The following RSU1 variants were observed in gnomAD, a reference collection of about 807,000 sequenced individuals.
RSU1 encodes the protein Ras suppressor protein 1.
In RSU1, 26 loss-of-function variants were observed where a neutral mutation model predicts 31.1. The ratio of observed to expected loss-of-function variants is 0.84; its 90% confidence interval spans 0.61 to 1.16. RSU1 has a LOEUF of 1.16. Among genes scored for constraint, RSU1 ranks in the 50% most tolerant of loss-of-function variants. The pLI is 0.00. For synonymous variants in RSU1, 164 were observed against 136.3 expected (o/e 1.20, Z -1.41); for missense variants, 320 against 339.1 (o/e 0.94, Z 0.44).
At chr10:16,781,680 T>A (rs1047638374) in intron 3 of RSU1, among the ~76,000 whole-genome samples, 7 of 152,180 alleles carry the variant, frequency 4.6e-5, no homozygotes, top group Admixed American at 4.6e-4. Flanking sequence ...CTTTGGTTTA[T>A]AAACATGATA....
chr10:16,719,334 C>G (rs764866114), intron 7 of RSU1, among the ~76,000 whole-genome samples: 14 of 152,032 alleles, frequency 9.2e-5, no homozygotes, highest in Non-Finnish European at 1.5e-4. Context: ...CAGAAAAACC[C>G]CAATGTCATT....
chr10:16,799,046 T>C (rs1838096243), intron 2 of RSU1, among the ~76,000 whole-genome samples: 1 of 152,164 alleles, frequency 6.6e-6, no homozygotes, highest in East Asian at 1.9e-4. Flanking sequence ...TACATTGTCC[T>C]AAGGACTCCT....
At chr10:16,640,799 C>A (rs1028241615) in intron 8 of RSU1, among the ~76,000 whole-genome samples, 1 of 152,226 alleles carries the variant, frequency 6.6e-6, no homozygotes, top group African/African-American at 2.4e-5. Context: ...CATAGCACAG[C>A]CTGATTCACC....
At chr10:16,677,446 GGGTA>G (rs931612482) in intron 8 of RSU1, among the ~76,000 whole-genome samples, 6 of 152,236 alleles carry the variant, frequency 3.9e-5, no homozygotes, top group Non-Finnish European at 8.8e-5. Flanking sequence ...ATAAAAATGG[GGGTA>G]GGAAGTTGGG....
intron 7 of RSU1, among the ~76,000 whole-genome samples, chr10:16,738,873 C>CG (rs1328528871): frequency 6.6e-6 from 1 of 151,732 alleles, no homozygotes; most frequent in Non-Finnish European, 1.5e-5. Flanking sequence ...CCCCACCCCC[C>CG]CAGCGGACCC....
intron 7 of RSU1, among the ~76,000 whole-genome samples, chr10:16,733,597 T>C (rs996752251): frequency 7.9e-5 from 12 of 152,258 alleles, no homozygotes; most frequent in Admixed American, 2.0e-4. Context: ...AAAACTCTCA[T>C]AGTCTGAAGC....
intron 7 of RSU1, among the ~76,000 whole-genome samples, chr10:16,733,053 A>G (rs1265676633): frequency 6.6e-6 from 1 of 152,184 alleles, no homozygotes. Flanking sequence ...AAGATGACCT[A>G]TCTTAGGGAA....
intron 2 of RSU1, among the ~76,000 whole-genome samples, chr10:16,808,444 C>A (rs1838323906): frequency 6.9e-6 from 1 of 144,222 alleles, no homozygotes; most frequent in Non-Finnish European, 1.5e-5. Context: ...GATCATGCCA[C>A]TGCACTCTAG....
chr10:16,607,545 C>A (rs1173297158), intron 8 of RSU1, among the ~76,000 whole-genome samples: 3 of 151,574 alleles, frequency 2.0e-5, no homozygotes, highest in Non-Finnish European at 4.4e-5. Context: ...TGGATCTAAA[C>A]AGGGGTGGTA....
chr10:16,632,617 T>C (rs944536695), intron 8 of RSU1, among the ~76,000 whole-genome samples: 1 of 152,168 alleles, frequency 6.6e-6, no homozygotes, highest in Non-Finnish European at 1.5e-5. Flanking sequence ...AGCAAACTGC[T>C]TGCTTCTACA....
chr10:16,774,949 T>C (rs1837497362), intron 3 of RSU1, among the ~76,000 whole-genome samples: 1 of 151,662 alleles, frequency 6.6e-6, no homozygotes, highest in African/African-American at 2.4e-5. Flanking sequence ...CACATCTATC[T>C]AGGAGGCTTG....
chr10:16,625,928 C>G (rs1219991363), intron 8 of RSU1, among the ~76,000 whole-genome samples: 1 of 152,212 alleles, frequency 6.6e-6, no homozygotes, highest in Non-Finnish European at 1.5e-5. Context: ...TCACAACTAA[C>G]TACACTGCAG....
At chr10:16,738,835 T>C (rs1237184703) in intron 7 of RSU1, among the ~76,000 whole-genome samples, 1 of 152,024 alleles carries the variant, frequency 6.6e-6, no homozygotes, top group Non-Finnish European at 1.5e-5. Context: ...CATTAGGTAT[T>C]TGTCCTAATG....
chr10:16,675,479 A>T (rs1283754831), intron 8 of RSU1, among the ~76,000 whole-genome samples: 1 of 152,066 alleles, frequency 6.6e-6, no homozygotes, highest in East Asian at 1.9e-4. Context: ...TCAGGCAGGT[A>T]TTGCTCTGTG....
chr10:16,684,718 G>A lies in RSU1; in HGVS notation c.731+10305C>T, dbSNP rs562414877. Among the ~76,000 whole-genome samples, 5 of 152,156 alleles carry A rather than the reference G, an allele frequency of 3.3e-5. No individual in the cohort carries two copies. The South Asian group carries it at 6.2e-4, about 19-fold the overall frequency. On this transcript the variant is annotated intron_variant, in intron 8 of 8. Coordinates refer to ENST00000345264, the MANE Select transcript of RSU1 (RefSeq NM_012425.4). ...TGAATTTCTGCTTTTAAACCATGCC[G>A]TTTGTGGTACTTGGTTATGGCAGCC...
Position 16,591,601 on chromosome 10 carries a change from A to G in RSU1, c.*1793T>C, listed in dbSNP as rs185966561. 9.6e-3 allele frequency: 1,462 copies of G among 152,180 alleles called. 35 individuals are homozygous for G. Among genetic ancestry groups the G allele is most frequent in the African/African-American group, 0.034 (1,396 of 41,530 alleles). 9.4% of individuals were successfully genotyped at this position (152,180 alleles called of 1,614,324 possible). A position where few individuals can be genotyped will look rare whatever the true frequency, so the allele number is the denominator to read the frequency against. ...TTACACATGGCTTCTTTTTGCTTTG[A>G]TCTGTATACTTTTTAAAAATATTAC... is the stretch of plus-strand genomic sequence containing the variant. On this transcript the variant is annotated 3_prime_UTR_variant, in exon 9 of 9. Transcript: ENST00000345264.
chr10:16,612,804 A>G (rs1833916073), intron 8 of RSU1, among the ~76,000 whole-genome samples: 2 of 152,334 alleles, frequency 1.3e-5, no homozygotes, highest in South Asian at 4.1e-4. Flanking sequence ...GCAATGGAGC[A>G]ATTTGCAAAC....
At chr10:16,665,438 C>A (rs1834971015) in intron 8 of RSU1, among the ~76,000 whole-genome samples, 1 of 152,168 alleles carries the variant, frequency 6.6e-6, no homozygotes, top group South Asian at 2.1e-4. Flanking sequence ...CCCAAATACA[C>A]TGTTAAATTG....
At chr10:16,805,652 G>A in intron 2 of RSU1, among the ~76,000 whole-genome samples, 1 of 143,820 alleles carries the variant, frequency 7.0e-6, no homozygotes, top group Non-Finnish European at 1.5e-5. Context: ...CTCCGACAGA[G>A]CGAGACTCCG....
Sources: gnomAD v4.1 joint callset for allele counts (sites outside exome capture counted in the v4.1 genomes callset) on GRCh38, gnomAD v4.1.1 for gene constraint, MANE v1.5 for transcripts, NCBI Gene and HGNC (gene_info 2026-07-23, HGNC 2026-07-21) for gene names.